Variants in IMMP2L observed in about 807,000 individuals in gnomAD.
IMMP2L encodes mitochondrial inner membrane protease subunit 2.
Under a neutral mutation model 19.3 loss-of-function variants are expected in IMMP2L, and 18 were observed. The ratio of observed to expected loss-of-function variants is 0.93; its 90% CI spans 0.64 to 1.38. The LOEUF (loss-of-function observed/expected upper bound fraction) is 1.38, where lower values mean the gene tolerates loss of function less well. IMMP2L is among the 40% of genes most tolerant of loss of function. IMMP2L has a pLI of 0.00. For missense variants in IMMP2L, 233 were observed against 218.2 expected (o/e 1.07, Z -0.43); for synonymous variants, 76 against 73.0 (o/e 1.04, Z -0.21).
intron 5 of IMMP2L, among the ~76,000 whole-genome samples, chr7:110,869,249 A>G (rs1169691648): frequency 6.6e-6 from 1 of 152,110 alleles, no homozygotes; most frequent in African/African-American, 2.4e-5. Flanking sequence ...TCTAATTAAA[A>G]ATCTGATTCT....
intron 3 of IMMP2L, chr7:111,124,633 T>G: frequency 6.2e-7 from 1 of 1,613,166 alleles, no homozygotes; most frequent in Non-Finnish European, 8.5e-7. Flanking sequence ...TCAAAAAGAG[T>G]ATGAAAAGAA....
chr7:110,755,186 A>T (rs1797969074), intron 5 of IMMP2L, among the ~76,000 whole-genome samples: 1 of 152,084 alleles, frequency 6.6e-6, no homozygotes, highest in African/African-American at 2.4e-5. Flanking sequence ...TTTGTTCATA[A>T]ATATGTTTAC....
chr7:111,248,738 C>G (rs1209871792), intron 3 of IMMP2L, among the ~76,000 whole-genome samples: 1 of 20,648 alleles, frequency 4.8e-5, no homozygotes, highest in East Asian at 1.8e-3. Flanking sequence ...TTCCTTCTAA[C>G]AGACAGGACC....
intron 5 of IMMP2L, among the ~76,000 whole-genome samples, chr7:110,859,218 T>G (rs926795396): frequency 2.6e-5 from 4 of 152,146 alleles, no homozygotes; most frequent in Admixed American, 2.0e-4. Context: ...AATGTTTTTA[T>G]GAAGCTTTTG....
At chr7:111,553,867 G>C (rs973167673) in intron 1 of IMMP2L, among the ~76,000 whole-genome samples, 2 of 152,146 alleles carry the variant, frequency 1.3e-5, no homozygotes, top group African/African-American at 4.8e-5. Context: ...ACATTTTATT[G>C]TTATAATCAC....
chr7:111,251,577 CAT>C (rs1484238959), intron 3 of IMMP2L, among the ~76,000 whole-genome samples: 1 of 152,016 alleles, frequency 6.6e-6, no homozygotes, highest in Non-Finnish European at 1.5e-5. Flanking sequence ...AAAGGAAAAA[CAT>C]AATTTCCTTT....
intron 3 of IMMP2L, among the ~76,000 whole-genome samples, chr7:111,137,276 T>TTAAGCATTTTATA (rs1246594903): frequency 2.6e-5 from 4 of 152,172 alleles, no homozygotes; most frequent in African/African-American, 9.7e-5. Flanking sequence ...ATATTCAATT[T>TTAAGCATTTTATA]ATAATAATAA....
chr7:111,385,159 G>A (rs1036327455), intron 3 of IMMP2L, among the ~76,000 whole-genome samples: 3 of 152,206 alleles, frequency 2.0e-5, no homozygotes. Flanking sequence ...AGGCAAGGTG[G>A]AGGTGGGGGG....
intron 3 of IMMP2L, among the ~76,000 whole-genome samples, chr7:111,472,940 AAAAAAAGAAAG>A (rs1841396235): frequency 6.6e-6 from 1 of 151,970 alleles, no homozygotes; most frequent in Non-Finnish European, 1.5e-5. Context: ...TACTAAAAGA[AAAAAAAGAAAG>A]AAAAAAGAAA....
intron 3 of IMMP2L, among the ~76,000 whole-genome samples, chr7:111,435,329 C>T (rs559846670): frequency 6.6e-6 from 1 of 151,830 alleles, no homozygotes; most frequent in Non-Finnish European, 1.5e-5. Context: ...GGTATATATA[C>T]AACTTAGAAT....
At position 110,906,589 on chromosome 7, in the gene IMMP2L, G is replaced by A. The variant is rs750441088; in HGVS notation, c.306-19894C>T. ...GGAAAATCAGTATGAACAGCGCTTC[G>A]GAACACAGACTCTGGATGGAGGTAA... On this transcript the variant is annotated intron_variant, in intron 4 of 5. Transcript: ENST00000405709. Among the ~76,000 whole-genome samples the A allele has an allele frequency of 1.1e-4, 16 of 152,110 alleles. No individual in the cohort carries two copies. In the East Asian group the frequency reaches 1.9e-3, roughly 18 times the overall value.
intron 3 of IMMP2L, among the ~76,000 whole-genome samples, chr7:111,243,223 T>C (rs570206045): frequency 6.6e-6 from 1 of 152,006 alleles, no homozygotes; most frequent in Non-Finnish European, 1.5e-5. Context: ...GAATGTGAAG[T>C]ATTTATTATA....
intron 3 of IMMP2L, among the ~76,000 whole-genome samples, chr7:111,374,180 G>A (rs1563115311): frequency 1.3e-5 from 2 of 152,046 alleles, no homozygotes; most frequent in Admixed American, 6.6e-5. Flanking sequence ...GCTTGATATT[G>A]TCAGGTGTCT....
chr7:111,137,473 C>A (rs756962800), intron 3 of IMMP2L, among the ~76,000 whole-genome samples: 1 of 152,100 alleles, frequency 6.6e-6, no homozygotes, highest in Non-Finnish European at 1.5e-5. Context: ...GTTTTATCTA[C>A]TTAGTAAGAT....
At chr7:111,487,686 T>C (rs1403689544) in intron 2 of IMMP2L, among the ~76,000 whole-genome samples, 1 of 152,064 alleles carries the variant, frequency 6.6e-6, no homozygotes, top group African/African-American at 2.4e-5. Flanking sequence ...AATATCCAGA[T>C]AGGATCTAAT....
intron 3 of IMMP2L, among the ~76,000 whole-genome samples, chr7:111,068,026 TG>T (rs1370528093): frequency 2.0e-5 from 3 of 152,158 alleles, no homozygotes; most frequent in Non-Finnish European, 2.9e-5. Flanking sequence ...ATATTTGAAG[TG>T]TGAAGCATTA....
chr7:111,339,081 T>C (rs1192750620), intron 3 of IMMP2L, among the ~76,000 whole-genome samples: 2 of 152,104 alleles, frequency 1.3e-5, no homozygotes, highest in East Asian at 1.9e-4. Context: ...ACAAAATCAT[T>C]ATCTACCTCA....
intron 4 of IMMP2L, among the ~76,000 whole-genome samples, chr7:110,894,924 G>GA (rs943544940): frequency 6.6e-6 from 1 of 151,668 alleles, no homozygotes; most frequent in Non-Finnish European, 1.5e-5. Flanking sequence ...ACCATTTTTT[G>GA]AAAAAACTAT....
chr7:110,935,696 T>A (rs1197495727), intron 4 of IMMP2L, among the ~76,000 whole-genome samples: 2 of 151,874 alleles, frequency 1.3e-5, no homozygotes, highest in African/African-American at 4.8e-5. Flanking sequence ...TAGAAAAAAA[T>A]GACTTTAAAT....
Sources: gnomAD v4.1 joint callset for allele counts (sites outside exome capture counted in the v4.1 genomes callset) on GRCh38, gnomAD v4.1.1 for gene constraint, MANE v1.5 for transcripts, NCBI Gene and HGNC (gene_info 2026-07-23, HGNC 2026-07-21) for gene names.